The following LAMA2 variants were observed in gnomAD, a reference collection of about 807,000 sequenced individuals.
LAMA2 encodes the protein laminin subunit alpha-2.
LAMA2 carries 269 observed loss-of-function variants against 364.8 expected under a neutral mutation model. The observed-to-expected ratio is 0.74, with a 90% CI of 0.67 to 0.82. LAMA2 has a LOEUF of 0.82. Ranked by LOEUF, LAMA2 falls within the 40% of genes least tolerant of loss-of-function variation. LAMA2 has a pLI of 0.00. For missense variants in LAMA2, 3,807 were observed against 3,873.2 expected, an observed-to-expected ratio of 0.98 and a Z score of 0.45; for synonymous variants, 1,379 against 1,370.6, an observed-to-expected ratio of 1.01 and a Z score of -0.14.
At chr6:129,340,697 C>A (rs767328245) in intron 29 of LAMA2, among the ~76,000 whole-genome samples, 1 of 151,406 alleles carries the variant, frequency 6.6e-6, no homozygotes, top group South Asian at 2.1e-4. Context: ...ATTAGCCTGG[C>A]GTGGTGGTAT....
At chr6:128,948,843 A>T (rs1286414032) in intron 1 of LAMA2, among the ~76,000 whole-genome samples, 1 of 152,082 alleles carries the variant, frequency 6.6e-6, no homozygotes, top group Non-Finnish European at 1.5e-5. Context: ...CCATGACTGG[A>T]AGCTTCCTGA....
At chr6:129,409,627 G>A (rs912852033) in intron 40 of LAMA2, among the ~76,000 whole-genome samples, 1 of 152,224 alleles carries the variant, frequency 6.6e-6, no homozygotes, top group Non-Finnish European at 1.5e-5. Context: ...CAAATGGAGA[G>A]TAGTGATCTG....
intron 3 of LAMA2, among the ~76,000 whole-genome samples, chr6:129,075,511 G>A (rs1265787296): frequency 6.6e-6 from 1 of 152,190 alleles, no homozygotes; most frequent in East Asian, 1.9e-4. Flanking sequence ...AGATAAGTGT[G>A]AAAACTAGGT....
intron 55 of LAMA2, among the ~76,000 whole-genome samples, chr6:129,482,283 A>T (rs980271236): frequency 6.6e-6 from 1 of 152,192 alleles, no homozygotes; most frequent in African/African-American, 2.4e-5. Flanking sequence ...TTTTTTAAAA[A>T]AGAGTATCAA....
chr6:128,997,582 G>T (rs1228996463), intron 1 of LAMA2, among the ~76,000 whole-genome samples: 2 of 151,846 alleles, frequency 1.3e-5, no homozygotes, highest in African/African-American at 4.8e-5. Flanking sequence ...ATCACTTGAG[G>T]TCAGGGGTTC....
chr6:129,068,487 A>C (rs989356759), intron 3 of LAMA2, among the ~76,000 whole-genome samples: 3 of 152,192 alleles, frequency 2.0e-5, no homozygotes, highest in Non-Finnish European at 4.4e-5. Context: ...ACATGGCAGA[A>C]GGGGCAAATA....
At chr6:128,981,804 C>A in intron 1 of LAMA2, among the ~76,000 whole-genome samples, 1 of 152,082 alleles carries the variant, frequency 6.6e-6, no homozygotes, top group Non-Finnish European at 1.5e-5. Flanking sequence ...AATAACATGT[C>A]TTTCCTTGGT....
rs1266301490 is a variant in LAMA2 at position 129,315,596 on chromosome 6, G to A, written c.3676G>A (p.Glu1226Lys). 1 of 1,614,128 alleles carries A rather than the reference G, an allele frequency of 6.2e-7. No homozygotes were observed. ...EIVAHMDLMR[E>K]DLHLEPFYWK... ...TGTTGCCCACATGGACCTGATGAGA[G>A]AAGATCTCCATTTGGAACCTTTTTA... Residue 1226 changes from glutamate (E) to lysine (K), a missense_variant, in exon 25 of 65, where the codon GAA becomes AAA. Transcript: ENST00000421865.
At chr6:128,931,387 C>T (rs767323786) in intron 1 of LAMA2, among the ~76,000 whole-genome samples, 205 of 152,180 alleles carry the variant, frequency 1.3e-3, no homozygotes, top group Non-Finnish European at 2.4e-3. Context: ...TGCATAATGC[C>T]TAGCAAATAT....
At chr6:129,295,789 G>GTA (rs201661795) in intron 20 of LAMA2, among the ~76,000 whole-genome samples, 5,595 of 81,448 alleles carry the variant, frequency 0.069, 324 homozygotes, top group African/African-American at 0.21. Context: ...ATGAGTAAAT[G>GTA]TATATATATA....
intron 4 of LAMA2, among the ~76,000 whole-genome samples, chr6:129,107,244 G>A (rs1775885161): frequency 1.3e-5 from 2 of 152,098 alleles, no homozygotes; most frequent in Admixed American, 1.3e-4. Context: ...AGTTTACGTG[G>A]TTATAATAAC....
chr6:129,372,127 C>T (rs569188266), intron 34 of LAMA2, among the ~76,000 whole-genome samples: 15 of 152,256 alleles, frequency 9.9e-5, no homozygotes, highest in Admixed American at 3.3e-4. Context: ...TTATTATAGT[C>T]GATAAACCTA....
chr6:129,218,204 T>C lies in LAMA2; in HGVS notation c.1782+25351T>C, dbSNP rs1461961241. ...TGATCATGATATTCCAACATTAACA[T>C]CTCAGTGTATTGTGAAAATGATTCA... On this transcript the variant is annotated intron_variant, in intron 12 of 64. Coordinates refer to ENST00000421865, the MANE Select transcript of LAMA2 (RefSeq NM_000426.4). Among the ~76,000 whole-genome samples, 3 of 152,290 alleles carry C rather than the reference T, an allele frequency of 2.0e-5. No homozygotes were observed. In the South Asian group the frequency reaches 6.2e-4, roughly 32 times the overall value.
At chr6:129,004,724 C>G (rs1159425811) in intron 1 of LAMA2, among the ~76,000 whole-genome samples, 1 of 152,062 alleles carries the variant, frequency 6.6e-6, no homozygotes, top group East Asian at 1.9e-4. Flanking sequence ...TTTATAATTC[C>G]TAATGCTATA....
intron 1 of LAMA2, among the ~76,000 whole-genome samples, chr6:128,940,591 G>T (rs755976761): frequency 6.6e-6 from 1 of 152,120 alleles, no homozygotes. Flanking sequence ...TAAATATTTT[G>T]TTTACCTTCA....
chr6:128,905,926 T>C (rs1777432396), intron 1 of LAMA2, among the ~76,000 whole-genome samples: 1 of 152,042 alleles, frequency 6.6e-6, no homozygotes, highest in African/African-American at 2.4e-5. Context: ...AGAATGATGA[T>C]TTCCAATTTC....
At chr6:129,314,051 G>A (rs1375365369) in intron 23 of LAMA2, among the ~76,000 whole-genome samples, 6 of 152,242 alleles carry the variant, frequency 3.9e-5, no homozygotes, top group East Asian at 3.9e-4. Context: ...AAATTTTCAT[G>A]AGTCTTTCAT....
intron 40 of LAMA2, among the ~76,000 whole-genome samples, chr6:129,415,439 C>G (rs1462347720): frequency 6.6e-6 from 1 of 152,114 alleles, no homozygotes; most frequent in Admixed American, 6.5e-5. Context: ...CTTACCTGTT[C>G]TTTCTGAGGC....
At position 129,162,459 on chromosome 6, in the gene LAMA2, A is replaced by AT. The variant is rs911276874; in HGVS notation, c.1207-3107dup. Among the ~76,000 whole-genome samples, 158 of 147,678 alleles carry AT rather than the reference A, an allele frequency of 1.1e-3. No homozygotes were observed. In the Middle Eastern group the frequency reaches 0.011, roughly 10 times the overall value. ...TCCTGCTTGAAAAATTTCCTTTAACATTTTTTTTTTGGTAGTGCAGAGCTG... is the reference window on the plus strand; with the variant it reads ...TCCTGCTTGAAAAATTTCCTTTAACATTTTTTTTTTTGGTAGTGCAGAGCTG... On this transcript the variant is annotated intron_variant, in intron 8 of 64. Coordinates refer to ENST00000421865, the MANE Select transcript of LAMA2 (RefSeq NM_000426.4).
Sources: gnomAD v4.1 joint callset for allele counts (sites outside exome capture counted in the v4.1 genomes callset) on GRCh38, gnomAD v4.1.1 for gene constraint, MANE v1.5 for transcripts, NCBI Gene and HGNC (gene_info 2026-07-23, HGNC 2026-07-21) for gene names.